Variants in KIAA0825 observed in about 807,000 individuals in gnomAD.
KIAA0825 encodes the protein uncharacterized protein KIAA0825.
A neutral mutation model predicts 147.6 loss-of-function variants in KIAA0825; 119 were observed. That is an observed-to-expected ratio of 0.81 (90% confidence interval 0.69 to 0.94). The LOEUF (loss-of-function observed/expected upper bound fraction) is 0.94, where lower values mean the gene tolerates loss of function less well. Among genes scored for constraint, KIAA0825 ranks in the 40% least tolerant of loss-of-function variants. The pLI is 0.00. For missense variants in KIAA0825, 1,381 were observed against 1,472.7 expected, an observed-to-expected ratio of 0.94 and a Z score of 1.02; for synonymous variants, 470 against 518.1, an observed-to-expected ratio of 0.91 and a Z score of 1.26.
chr5:94,453,130 A>G, intron 12 of KIAA0825, 61 bp from the exon 13 acceptor site: 1 of 833,282 alleles, frequency 1.2e-6, no homozygotes, highest in South Asian at 1.8e-5. Flanking sequence ...GACCATTGAA[A>G]TAACTTTTGA....
chr5:94,168,317 CA>C (rs1305433808), intron 20 of KIAA0825, among the ~76,000 whole-genome samples: 1 of 152,056 alleles, frequency 6.6e-6, no homozygotes, highest in Non-Finnish European at 1.5e-5. Context: ...ACTACTAATG[CA>C]GTAAAAGGAA....
rs1424089915 is a variant in KIAA0825 at position 94,520,830 on chromosome 5, G to C, written c.388C>G (p.Pro130Ala). The change falls in exon 5 of 21, where the codon CCA becomes GCA. Residue 130 changes from proline to alanine, a missense_variant. Pro to Ala is a conservative substitution (Grantham distance 27, BLOSUM62 -1). Transcript: ENST00000682413. ...AAAGATGTTCCACTTAGGGTTGATG[G>C]GAATGAAACGCTGCTGTGGCAGGAG... Reference protein sequence around the residue: ...DLSCHSSVSFPSTLSGTSFHF... With the variant: ...DLSCHSSVSFASTLSGTSFHF... The C allele has an allele frequency of 1.2e-6, 2 of 1,613,038 alleles. No individual in the cohort carries two copies. The highest frequency in any genetic ancestry group is 3.3e-5 in the Admixed American group (2 of 59,884).
At chr5:94,277,915 G>A (rs918475684) in intron 20 of KIAA0825, among the ~76,000 whole-genome samples, 10 of 152,072 alleles carry the variant, frequency 6.6e-5, no homozygotes, top group African/African-American at 2.2e-4. Context: ...CATATACACC[G>A]TGGAATACTA....
chr5:94,261,993 A>C (rs2150132905), intron 20 of KIAA0825, among the ~76,000 whole-genome samples: 1 of 152,232 alleles, frequency 6.6e-6, no homozygotes, highest in African/African-American at 2.4e-5. Context: ...TGAGTATATA[A>C]ATTTCTTTTA....
chr5:94,233,120 A>C (rs1774832614), intron 20 of KIAA0825, among the ~76,000 whole-genome samples: 1 of 152,218 alleles, frequency 6.6e-6, no homozygotes, highest in Non-Finnish European at 1.5e-5. Flanking sequence ...CGAAGGCCAG[A>C]GGCAAAAAGA....
chr5:94,535,945 C>G (rs1316082387), intron 3 of KIAA0825, among the ~76,000 whole-genome samples: 2 of 152,184 alleles, frequency 1.3e-5, no homozygotes, highest in Non-Finnish European at 2.9e-5. Context: ...ATGTAATGGG[C>G]TGTATCTGCT....
intron 20 of KIAA0825, among the ~76,000 whole-genome samples, chr5:94,267,923 C>G (rs752437872): frequency 1.3e-5 from 2 of 152,090 alleles, no homozygotes; most frequent in African/African-American, 2.4e-5. Context: ...GTCTATGCAG[C>G]CTGTGTTACT....
At chr5:94,349,774 T>C (rs1783428343) in intron 20 of KIAA0825, among the ~76,000 whole-genome samples, 1 of 152,126 alleles carries the variant, frequency 6.6e-6, no homozygotes, top group African/African-American at 2.4e-5. Context: ...CTCTAGGCTA[T>C]AGCAAAGGCA....
intron 19 of KIAA0825, 46 bp downstream of exon 19, chr5:94,386,196 G>A: frequency 1.3e-6 from 2 of 1,497,656 alleles, no homozygotes; most frequent in Non-Finnish European, 1.8e-6. Flanking sequence ...TCTTACTTGG[G>A]TAAAGAAACC....
intron 10 of KIAA0825, among the ~76,000 whole-genome samples, chr5:94,468,494 C>T (rs1411365305): frequency 6.6e-6 from 1 of 152,192 alleles, no homozygotes; most frequent in Non-Finnish European, 1.5e-5. Context: ...ACCAGCTGCA[C>T]CATACCACTT....
chr5:94,431,317 A>C (rs371427752), intron 14 of KIAA0825, among the ~76,000 whole-genome samples: 1 of 152,226 alleles, frequency 6.6e-6, no homozygotes, highest in East Asian at 1.9e-4. Flanking sequence ...CAATGAATAA[A>C]ACAGAATTGT....
chr5:94,559,216 A>G (rs533831382), intron 2 of KIAA0825, among the ~76,000 whole-genome samples: 1 of 152,330 alleles, frequency 6.6e-6, no homozygotes, highest in Non-Finnish European at 1.5e-5. Context: ...ACTGCATTTT[A>G]TATAATTTTA....
intron 20 of KIAA0825, among the ~76,000 whole-genome samples, chr5:94,170,955 T>C (rs1373085030): frequency 1.3e-5 from 2 of 152,200 alleles, no homozygotes. Flanking sequence ...AAAGGTCAAA[T>C]GATTTGGTAA....
At position 94,396,199 on chromosome 5, in the gene KIAA0825, A is replaced by G. The variant is rs1328176251; in HGVS notation, c.3198T>C (p.His1066=). 47 of 1,551,264 alleles carry G rather than the reference A, an allele frequency of 3.0e-5. No individual in the cohort carries two copies. Among genetic ancestry groups the G allele is most frequent in the Non-Finnish European group, 3.7e-5 (43 of 1,146,844 alleles). ...KSIMGDQTSI[H]NQMIQKVIQS... is the part of the protein sequence containing the mutation. ...GTATGACCTTTTGGATCATTTGATT[A>G]TGGATACTTGTCTGGTCTCCCATGA... Residue 1066 remains histidine, a synonymous_variant, in exon 17 of 21, where the codon CAT becomes CAC. Coordinates refer to ENST00000682413, the MANE Select transcript of KIAA0825 (RefSeq NM_001145678.3).
At chr5:94,339,917 G>A (rs114261561) in intron 20 of KIAA0825, among the ~76,000 whole-genome samples, 4,466 of 152,176 alleles carry the variant, frequency 0.029, 92 homozygotes, top group Middle Eastern at 0.068. Flanking sequence ...ATTTTCATCA[G>A]TGAACTCTAA....
intron 5 of KIAA0825, among the ~76,000 whole-genome samples, chr5:94,506,337 T>G (rs1315579547): frequency 2.0e-5 from 3 of 152,214 alleles, no homozygotes; most frequent in African/African-American, 4.8e-5. Context: ...ACTATAAAAC[T>G]TTGAACACTT....
chr5:94,291,921 T>C (rs959356348), intron 20 of KIAA0825, among the ~76,000 whole-genome samples: 1 of 152,186 alleles, frequency 6.6e-6, no homozygotes, highest in African/African-American at 2.4e-5. Flanking sequence ...TTGTTTATTA[T>C]TGGTGTACAG....
chr5:94,577,303 A>G (rs188557288), intron 2 of KIAA0825, among the ~76,000 whole-genome samples: 14 of 152,348 alleles, frequency 9.2e-5, no homozygotes, highest in Admixed American at 7.8e-4. Context: ...ACAGAGTGGG[A>G]AAAGAGACAA....
At chr5:94,420,015 T>C (rs894670535) in intron 14 of KIAA0825, among the ~76,000 whole-genome samples, 41 of 152,226 alleles carry the variant, frequency 2.7e-4, no homozygotes, top group African/African-American at 9.9e-4. Context: ...AAGCAGATCA[T>C]GTCTCAGCCA....
Sources: gnomAD v4.1 joint callset for allele counts (sites outside exome capture counted in the v4.1 genomes callset) on GRCh38, gnomAD v4.1.1 for gene constraint, MANE v1.5 for transcripts, NCBI Gene and HGNC (gene_info 2026-07-23, HGNC 2026-07-21) for gene names.